Variants in CSMD1 observed in about 807,000 individuals in gnomAD.
CSMD1 encodes the protein CUB and sushi domain-containing protein 1.
Under a neutral mutation model 417.5 loss-of-function variants are expected in CSMD1, and 213 were observed. The ratio of observed to expected loss-of-function variants is 0.51; its 90% CI spans 0.46 to 0.57. CSMD1 has a LOEUF of 0.57. Ranked by LOEUF, CSMD1 falls within the 20% of genes least tolerant of loss-of-function variation. The pLI is 0.00. For synonymous variants in CSMD1, 2,862 were observed against 1,736.8 expected (o/e 1.65, Z -16.11); for missense variants, 6,923 against 4,529.7 (o/e 1.53, Z -15.17).
intron 49 of CSMD1, among the ~76,000 whole-genome samples, chr8:3,063,500 A>C (rs1367618208): frequency 3.3e-5 from 5 of 152,200 alleles, no homozygotes; most frequent in Non-Finnish European, 5.9e-5. Flanking sequence ...CTTCTGGCTA[A>C]ATACCCAAAA....
At chr8:3,805,636 T>C (rs1254976274) in intron 5 of CSMD1, among the ~76,000 whole-genome samples, 2 of 152,178 alleles carry the variant, frequency 1.3e-5, no homozygotes, top group East Asian at 1.9e-4. Flanking sequence ...ATTACCTTGG[T>C]GGGGAGTAAA....
intron 3 of CSMD1, among the ~76,000 whole-genome samples, chr8:4,147,478 G>A (rs1158940649): frequency 6.6e-6 from 1 of 152,006 alleles, no homozygotes; most frequent in African/African-American, 2.4e-5. Flanking sequence ...CTACATGATT[G>A]CCTTTGTGCT....
At chr8:2,994,322 T>C (rs541591731) in intron 54 of CSMD1, among the ~76,000 whole-genome samples, 1 of 152,032 alleles carries the variant, frequency 6.6e-6, no homozygotes, top group Non-Finnish European at 1.5e-5. Context: ...TTAAAGGGAA[T>C]TGATGGATGA....
chr8:4,242,816 C>G (rs1802479967), intron 3 of CSMD1, among the ~76,000 whole-genome samples: 1 of 152,100 alleles, frequency 6.6e-6, no homozygotes, highest in South Asian at 2.1e-4. Flanking sequence ...CCTTCATTCA[C>G]CAACGACATG....
At chr8:3,806,710 A>G (rs186687076) in intron 5 of CSMD1, among the ~76,000 whole-genome samples, 103 of 152,336 alleles carry the variant, frequency 6.8e-4, no homozygotes, top group Admixed American at 5.9e-4. Flanking sequence ...ATGAGAGGTA[A>G]TATTTCCATT....
intron 2 of CSMD1, among the ~76,000 whole-genome samples, chr8:4,500,831 A>G (rs773259812): frequency 6.6e-6 from 1 of 152,162 alleles, no homozygotes; most frequent in South Asian, 2.1e-4. Context: ...GTAGAGGTCC[A>G]TTGCCTGGAG....
intron 2 of CSMD1, among the ~76,000 whole-genome samples, chr8:4,533,522 G>C (rs1366220202): frequency 6.6e-6 from 1 of 152,092 alleles, no homozygotes; most frequent in Non-Finnish European, 1.5e-5. Context: ...ACATAGTACA[G>C]ACCTTTTGGG....
At chr8:4,451,992 A>G (rs1288953746) in intron 2 of CSMD1, among the ~76,000 whole-genome samples, 1 of 149,950 alleles carries the variant, frequency 6.7e-6, no homozygotes, top group Non-Finnish European at 1.5e-5. Context: ...ATAGTTTGAT[A>G]TATATATAAT....
At chr8:3,055,523 T>G (rs1337991721) in intron 49 of CSMD1, among the ~76,000 whole-genome samples, 2 of 152,208 alleles carry the variant, frequency 1.3e-5, no homozygotes, top group Non-Finnish European at 2.9e-5. Flanking sequence ...TCAAGTTTAG[T>G]ATTCATTCAT....
At chr8:3,728,727 G>T (rs1004617884) in intron 6 of CSMD1, among the ~76,000 whole-genome samples, 2 of 152,118 alleles carry the variant, frequency 1.3e-5, no homozygotes, top group Non-Finnish European at 2.9e-5. Flanking sequence ...AAAATGGTGG[G>T]CATGGTCTGT....
intron 7 of CSMD1, among the ~76,000 whole-genome samples, chr8:3,621,767 T>C (rs904540135): frequency 6.6e-6 from 1 of 150,666 alleles, no homozygotes; most frequent in Non-Finnish European, 1.5e-5. Flanking sequence ...TTATTATTAT[T>C]TTATTATTAT....
At chr8:4,943,580 CT>C (rs1157923523) in intron 1 of CSMD1, among the ~76,000 whole-genome samples, 1 of 151,874 alleles carries the variant, frequency 6.6e-6, no homozygotes, top group Non-Finnish European at 1.5e-5. Context: ...TTATAAATAC[CT>C]TTAAACAATT....
chr8:3,448,583 C>T (rs936129554), intron 12 of CSMD1, among the ~76,000 whole-genome samples: 1 of 151,954 alleles, frequency 6.6e-6, no homozygotes, highest in African/African-American at 2.4e-5. Flanking sequence ...TGCTGTAAGT[C>T]CATGAGTACT....
intron 3 of CSMD1, among the ~76,000 whole-genome samples, chr8:4,073,757 C>G (rs1055180483): frequency 6.6e-6 from 1 of 152,040 alleles, no homozygotes; most frequent in African/African-American, 2.4e-5. Flanking sequence ...GCAATTTATA[C>G]ACTTGAAAAT....
intron 2 of CSMD1, among the ~76,000 whole-genome samples, chr8:4,522,362 G>T (rs1803507212): frequency 6.6e-6 from 1 of 152,136 alleles, no homozygotes; most frequent in African/African-American, 2.4e-5. Context: ...TAATTGCCAA[G>T]TCTCCGGTAT....
At chr8:4,357,966 G>C (rs10092700) in intron 3 of CSMD1, among the ~76,000 whole-genome samples, 9,065 of 152,086 alleles carry the variant, frequency 0.06, 313 homozygotes, top group African/African-American at 0.095. Context: ...GCCTGAATGA[G>C]ACTCAGTTTA....
At chr8:4,677,069 T>C (rs1805738445) in intron 1 of CSMD1, among the ~76,000 whole-genome samples, 2 of 146,996 alleles carry the variant, frequency 1.4e-5, no homozygotes, top group South Asian at 4.2e-4. Context: ...TATATAGAGA[T>C]ATGATATATA....
chr8:3,185,829 C>A (rs1002520831), intron 36 of CSMD1, among the ~76,000 whole-genome samples: 1 of 152,136 alleles, frequency 6.6e-6, no homozygotes, highest in African/African-American at 2.4e-5. Flanking sequence ...TCTGAAGAAA[C>A]TTAAATCTCT....
chr8:4,599,915 A>G (rs535821994), intron 2 of CSMD1, among the ~76,000 whole-genome samples: 7 of 152,350 alleles, frequency 4.6e-5, no homozygotes, highest in African/African-American at 1.2e-4. Context: ...AGCATAATTC[A>G]TAAGCTGAAC....
Sources: allele counts gnomAD v4.1 joint callset (sites outside exome capture counted in the v4.1 genomes callset), GRCh38; gene constraint gnomAD v4.1.1; transcripts MANE v1.5; gene names NCBI Gene and HGNC (gene_info 2026-07-23, HGNC 2026-07-21).